The following AKT3 variants were observed in gnomAD, a reference collection of about 807,000 sequenced individuals.
The protein encoded by AKT3 is AKT serine/threonine kinase 3, also known as RAC-gamma serine/threonine-protein kinase.
In AKT3, 15 loss-of-function variants were observed where a neutral mutation model predicts 65.3. The ratio of observed to expected loss-of-function variants is 0.23; its 90% CI spans 0.15 to 0.35. AKT3 has a LOEUF of 0.35. Ranked by LOEUF, AKT3 falls within the 10% of genes least tolerant of loss-of-function variation. The probability of loss-of-function intolerance (pLI) is 1.00; values close to 1 mark genes in which losing one functional copy is unlikely to be tolerated. For synonymous variants in AKT3, 206 were observed against 183.8 expected, an observed-to-expected ratio of 1.12 and a Z score of -0.98; for missense variants, 243 against 576.5, an observed-to-expected ratio of 0.42 and a Z score of 5.92.
intron 6 of AKT3, among the ~76,000 whole-genome samples, chr1:243,634,905 A>G (rs1679868692): frequency 6.6e-6 from 1 of 151,966 alleles, no homozygotes; most frequent in Admixed American, 6.6e-5. Context: ...CCAGAAAGAA[A>G]GAAGTAAGGC....
chr1:243,649,188 C>T (rs1681076023), intron 4 of AKT3, among the ~76,000 whole-genome samples: 1 of 151,938 alleles, frequency 6.6e-6, no homozygotes, highest in Non-Finnish European at 1.5e-5. Context: ...CAGTAATTGA[C>T]ATCTATTGTC....
chr1:243,673,430 GTAAA>G lies in AKT3; in HGVS notation c.173-8551_173-8548del, dbSNP rs534738939. Among the ~76,000 whole-genome samples, 679 of 151,980 alleles carry G rather than the reference GTAAA, an allele frequency of 4.5e-3. 1 individual carries two copies. The highest frequency in any genetic ancestry group is 0.015 in the African/African-American group (633 of 41,454). On this transcript the variant is annotated intron_variant, in intron 3 of 13. Coordinates refer to ENST00000673466, the MANE Select transcript of AKT3 (RefSeq NM_005465.7). ...TATGTTTTGGATATTTTCCATTTCA[GTAAA>G]TAAAGATCTACATCATTATATTTAA...
At position 243,500,812 on chromosome 1, in the gene AKT3, C is replaced by T. The variant is rs1209891768; in HGVS notation, c.*4437G>A. On this transcript the variant is annotated 3_prime_UTR_variant, in exon 14 of 14. Coordinates refer to ENST00000673466, the MANE Select transcript of AKT3 (RefSeq NM_005465.7). ...CTACACACAGAGACCATTTGAATCT[C>T]TTGAGCATGTAAAAGGTTCAAGCCT... The T allele has an allele frequency of 4.4e-6, 1 of 228,978 alleles. No individual in the cohort carries two copies. Among genetic ancestry groups the T allele is most frequent in the Non-Finnish European group, 8.7e-6 (1 of 115,470 alleles). The allele number at this position is 228,978 out of a possible 1,614,324, so 14.2% of individuals were successfully genotyped here.
chr1:243,547,386 A>G (rs1018861626), intron 11 of AKT3, among the ~76,000 whole-genome samples: 1 of 152,222 alleles, frequency 6.6e-6, no homozygotes, highest in Non-Finnish European at 1.5e-5. Flanking sequence ...AGTAATGACT[A>G]TAATATACAA....
At chr1:243,573,179 C>G in intron 8 of AKT3, 131 bp from the exon 9 acceptor site, 1 of 1,004,212 alleles carries the variant, frequency 1.0e-6, no homozygotes, top group East Asian at 2.7e-5. Context: ...ACACTGAGCA[C>G]TCTTAGACAG....
chr1:243,518,529 G>A (rs546377841), intron 12 of AKT3, among the ~76,000 whole-genome samples: 5 of 152,260 alleles, frequency 3.3e-5, no homozygotes, highest in South Asian at 2.1e-4. Context: ...GGAGGCTGAG[G>A]CAGAAGAATC....
intron 2 of AKT3, among the ~76,000 whole-genome samples, chr1:243,756,788 A>T (rs1372581038): frequency 6.6e-6 from 1 of 152,234 alleles, no homozygotes; most frequent in Non-Finnish European, 1.5e-5. Context: ...ATAACAAAGG[A>T]CAAAAGAGTA....
intron 2 of AKT3, among the ~76,000 whole-genome samples, chr1:243,777,612 T>C (rs1240879980): frequency 2.0e-5 from 3 of 152,180 alleles, no homozygotes; most frequent in African/African-American, 7.2e-5. Flanking sequence ...GAATGAGACA[T>C]AATTCTAGGT....
At chr1:243,591,137 T>C (rs1478215723) in intron 8 of AKT3, among the ~76,000 whole-genome samples, 1 of 152,166 alleles carries the variant, frequency 6.6e-6, no homozygotes, top group Non-Finnish European at 1.5e-5. Flanking sequence ...TCGAGAGATC[T>C]ACAATGGATT....
At position 243,499,931 on chromosome 1, in the gene AKT3, C is replaced by A; in HGVS notation, c.*5318G>T. The A allele has an allele frequency of 1.4e-6, 1 of 738,790 alleles. No individual in the cohort carries two copies. The highest frequency in any genetic ancestry group is 1.5e-5 in the South Asian group (1 of 67,676). The allele number at this position is 738,790 out of a possible 1,614,324, so 45.8% of individuals were successfully genotyped here. Reference sequence around the variant, plus strand: ...TGGGGCTGGTCCTCATCAACGCGGGCGCTGTCCCCGCACGCAGTCGGGCTG... The same window carrying A: ...TGGGGCTGGTCCTCATCAACGCGGGAGCTGTCCCCGCACGCAGTCGGGCTG... On this transcript the variant is annotated 3_prime_UTR_variant, in exon 14 of 14. Transcript: ENST00000673466.
chr1:243,585,105 A>C (rs1003713050), intron 8 of AKT3, among the ~76,000 whole-genome samples: 8 of 152,148 alleles, frequency 5.3e-5, no homozygotes, highest in Non-Finnish European at 8.8e-5. Context: ...ATATACTGAT[A>C]ACATCCAAGC....
intron 8 of AKT3, 70 bp downstream of exon 8, chr1:243,613,601 T>A (rs1678062766): frequency 1.6e-6 from 2 of 1,225,706 alleles, no homozygotes; most frequent in Admixed American, 2.2e-5. Context: ...TTGTAACTTG[T>A]ATTTTAAGTA....
At chr1:243,807,893 A>C (rs917264652) in intron 2 of AKT3, among the ~76,000 whole-genome samples, 1 of 152,218 alleles carries the variant, frequency 6.6e-6, no homozygotes, top group African/African-American at 2.4e-5. Context: ...GCTGTTCTGC[A>C]GCCTCTGCTA....
intron 9 of AKT3, among the ~76,000 whole-genome samples, chr1:243,569,802 C>T (rs1674425047): frequency 6.6e-6 from 1 of 152,168 alleles, no homozygotes. Context: ...TTCACCTTTG[C>T]AAATGTCCCT....
intron 12 of AKT3, among the ~76,000 whole-genome samples, chr1:243,515,645 CA>C (rs1670304112): frequency 6.6e-6 from 1 of 152,248 alleles, no homozygotes; most frequent in East Asian, 1.9e-4. Flanking sequence ...TTAAATTAAA[CA>C]TTTTAGCATA....
intron 12 of AKT3, among the ~76,000 whole-genome samples, chr1:243,533,939 C>T (rs577892609): frequency 6.6e-6 from 1 of 152,114 alleles, no homozygotes; most frequent in East Asian, 1.9e-4. Context: ...GCAGTGAGCC[C>T]AGATTGTGCC....
At chr1:243,711,033 TC>T (rs1360649850) in intron 2 of AKT3, among the ~76,000 whole-genome samples, 1 of 152,120 alleles carries the variant, frequency 6.6e-6, no homozygotes, top group African/African-American at 2.4e-5. Context: ...AAATGTGAAA[TC>T]AGCTGGCCAG....
chr1:243,824,391 A>G (rs1025186982), intron 2 of AKT3, among the ~76,000 whole-genome samples: 1 of 152,174 alleles, frequency 6.6e-6, no homozygotes, highest in African/African-American at 2.4e-5. Flanking sequence ...AATTGCAACA[A>G]AAGCAAAAAT....
chr1:243,655,169 C>T (rs755955583), intron 4 of AKT3, among the ~76,000 whole-genome samples: 6 of 151,998 alleles, frequency 3.9e-5, no homozygotes, highest in Non-Finnish European at 7.4e-5. Context: ...TCTGTTCTGA[C>T]GTATTTTTGA....
Sources: gnomAD v4.1 joint callset for allele counts (sites outside exome capture counted in the v4.1 genomes callset) on GRCh38, gnomAD v4.1.1 for gene constraint, MANE v1.5 for transcripts, NCBI Gene and HGNC (gene_info 2026-07-23, HGNC 2026-07-21) for gene names.